EPM2A: variants seen among roughly 807,000 people sequenced by gnomAD.
EPM2A encodes the protein laforin.
Under a neutral mutation model 26.5 loss-of-function variants are expected in EPM2A, and 21 were observed. That is an observed-to-expected ratio of 0.79 (90% CI 0.56 to 1.14). EPM2A has a LOEUF of 1.14. EPM2A is among the 50% of genes most tolerant of loss of function. The probability of loss-of-function intolerance (pLI) is 0.00; values close to 1 mark genes in which losing one functional copy is unlikely to be tolerated. For synonymous variants in EPM2A, 217 were observed against 177.6 expected, an observed-to-expected ratio of 1.22 and a Z score of -1.76; for missense variants, 458 against 440.8, an observed-to-expected ratio of 1.04 and a Z score of -0.35.
At chr6:145,541,703 C>G (rs1582837795) in intron 2 of EPM2A, among the ~76,000 whole-genome samples, 1 of 151,956 alleles carries the variant, frequency 6.6e-6, no homozygotes, top group African/African-American at 2.4e-5. Flanking sequence ...AATATACTTG[C>G]AATGATGGCC....
Position 145,627,536 on chromosome 6 carries a change from C to A in EPM2A, c.876G>T (p.Val292=), listed in dbSNP as rs774234576. 18 of 1,614,130 alleles carry A rather than the reference C, an allele frequency of 1.1e-5. No individual in the cohort carries two copies. The highest frequency in any genetic ancestry group is 1.7e-5 in the Admixed American group (1 of 60,016). ...GCCTCTTGGCCATGAGGAAATACTGCACCTTCCTCAGATTCCAGCCCATCA... is the reference window on the plus strand; with the variant it reads ...GCCTCTTGGCCATGAGGAAATACTGAACCTTCCTCAGATTCCAGCCCATCA... The part of the protein sequence containing the change: ...QYVMGWNLRK[V]QYFLMAKRPA... The change falls in exon 4 of 4, where the codon GTG becomes GTT. Residue 292 remains valine (V), a synonymous_variant. Transcript: ENST00000367519.
intron 2 of EPM2A, among the ~76,000 whole-genome samples, chr6:145,558,366 G>A (rs1195284479): frequency 6.6e-6 from 1 of 151,960 alleles, no homozygotes; most frequent in Non-Finnish European, 1.5e-5. Context: ...GACTAATACA[G>A]GTATTGAGAA....
intron 2 of EPM2A, among the ~76,000 whole-genome samples, chr6:145,587,959 TG>T (rs975868281): frequency 7.2e-5 from 11 of 152,206 alleles, no homozygotes; most frequent in African/African-American, 2.7e-4. Context: ...ATTAATATTA[TG>T]CATGTACGAA....
chr6:145,735,409 C>A lies in EPM2A; in HGVS notation c.90G>T (p.Gly30=). The stretch of plus-strand genomic sequence containing the variant: ...GGACGGCACCGCGCGGCTCCCAACG[C>A]CCCAGCTCGGGCCGCGACCCCACCA... ...LLVVGSRPEL[G]RWEPRGAVRL... Residue 30 remains glycine, a synonymous_variant, in exon 1 of 4, where the codon GGG becomes GGT. Coordinates refer to ENST00000367519, the MANE Select transcript of EPM2A (RefSeq NM_005670.4). The A allele has an allele frequency of 8.0e-7, 1 of 1,249,550 alleles. No homozygotes were observed. The highest frequency in any genetic ancestry group is 1.0e-6 in the Non-Finnish European group (1 of 991,938). 77.4% of individuals were successfully genotyped at this position (1,249,550 alleles called of 1,614,324 possible). A position where few individuals can be genotyped will look rare whatever the true frequency, so the allele number is the denominator to read the frequency against.
At chr6:145,420,287 G>C (rs1253214216) in intron 4 of EPM2A, among the ~76,000 whole-genome samples, 2 of 152,028 alleles carry the variant, frequency 1.3e-5, no homozygotes, top group Middle Eastern at 3.2e-3. Context: ...AGTTTCTTCA[G>C]ATCATATGGA....
intron 2 of EPM2A, among the ~76,000 whole-genome samples, chr6:145,647,693 G>A (rs1379134139): frequency 6.6e-6 from 1 of 151,748 alleles, no homozygotes; most frequent in Non-Finnish European, 1.5e-5. Context: ...GGAAGGAAGG[G>A]AAAGGGAAAG....
At chr6:145,574,279 A>T (rs909614425) in intron 2 of EPM2A, among the ~76,000 whole-genome samples, 2 of 152,142 alleles carry the variant, frequency 1.3e-5, no homozygotes, top group African/African-American at 4.8e-5. Flanking sequence ...TTTACTTCTA[A>T]GAACACCATG....
intron 2 of EPM2A, among the ~76,000 whole-genome samples, chr6:145,597,626 C>A (rs1781365508): frequency 6.6e-6 from 1 of 151,956 alleles, no homozygotes; most frequent in Non-Finnish European, 1.5e-5. Context: ...AGGTTTGTTA[C>A]ATAGATAAAC....
intron 2 of EPM2A, among the ~76,000 whole-genome samples, chr6:145,539,671 GTC>G (rs1475120213): frequency 1.3e-4 from 20 of 152,234 alleles, no homozygotes; most frequent in Admixed American, 3.3e-4. Context: ...TATAGTTTTG[GTC>G]CCAGTCCAAA....
chr6:145,400,176 C>T (rs1778463610), intron 4 of EPM2A, among the ~76,000 whole-genome samples: 1 of 152,164 alleles, frequency 6.6e-6, no homozygotes, highest in Admixed American at 6.6e-5. Context: ...CCAGATCACC[C>T]AGACAATGAT....
At chr6:145,428,488 T>C (rs182811424) in intron 4 of EPM2A, among the ~76,000 whole-genome samples, 4 of 152,204 alleles carry the variant, frequency 2.6e-5, no homozygotes, top group South Asian at 2.1e-4. Flanking sequence ...GATGGAGCTC[T>C]CTCTCATTCA....
intron 4 of EPM2A, among the ~76,000 whole-genome samples, chr6:145,389,205 C>CTT (rs1162002053): frequency 2.8e-5 from 4 of 143,262 alleles, no homozygotes; most frequent in African/African-American, 7.7e-5. Flanking sequence ...ATCTTTTTTT[C>CTT]TTTTTTTTTT....
chr6:145,635,063 C>T (rs944651736), intron 3 of EPM2A, 182 bp downstream of exon 3: 38 of 638,896 alleles, frequency 5.9e-5, no homozygotes, highest in Non-Finnish European at 8.6e-5. Context: ...AACAAAGAAG[C>T]CACATTAAAC....
chr6:145,597,641 G>A (rs1781365795), intron 2 of EPM2A, among the ~76,000 whole-genome samples: 2 of 151,976 alleles, frequency 1.3e-5, no homozygotes, highest in Admixed American at 6.5e-5. Context: ...ATAAACACAT[G>A]TCATGGGGAT....
intron 2 of EPM2A, among the ~76,000 whole-genome samples, chr6:145,539,279 G>A (rs543399865): frequency 6.6e-6 from 1 of 152,098 alleles, no homozygotes; most frequent in East Asian, 1.9e-4. Flanking sequence ...TTTTTCTTTT[G>A]TTATCTTTAG....
chr6:145,447,786 T>C (rs892770036), intron 4 of EPM2A, among the ~76,000 whole-genome samples: 2 of 152,084 alleles, frequency 1.3e-5, no homozygotes, highest in Non-Finnish European at 2.9e-5. Context: ...TATGCATAAC[T>C]CTTGATTGAC....
intron 2 of EPM2A, among the ~76,000 whole-genome samples, chr6:145,681,628 A>G (rs1583043613): frequency 6.6e-6 from 1 of 151,410 alleles, no homozygotes; most frequent in Non-Finnish European, 1.5e-5. Flanking sequence ...CAGTTTTCCC[A>G]GCACCATTTA....
intron 2 of EPM2A, among the ~76,000 whole-genome samples, chr6:145,551,181 T>G (rs1467084109): frequency 6.6e-6 from 1 of 152,072 alleles, no homozygotes; most frequent in African/African-American, 2.4e-5. Context: ...CTTTTCTGTT[T>G]AAGACACAGA....
intron 2 of EPM2A, among the ~76,000 whole-genome samples, chr6:145,557,177 A>G (rs1437649663): frequency 6.6e-6 from 1 of 152,130 alleles, no homozygotes; most frequent in Non-Finnish European, 1.5e-5. Flanking sequence ...ATATTTTGAG[A>G]GTAACTTCTC....
Sources: allele counts gnomAD v4.1 joint callset (sites outside exome capture counted in the v4.1 genomes callset), GRCh38; gene constraint gnomAD v4.1.1; transcripts MANE v1.5; gene names NCBI Gene and HGNC (gene_info 2026-07-23, HGNC 2026-07-21).